The following CNBD1 variants were observed in gnomAD, a reference collection of about 807,000 sequenced individuals.
CNBD1 encodes cyclic nucleotide-binding domain-containing protein 1.
A neutral mutation model predicts 54.4 loss-of-function variants in CNBD1; 71 were observed. That is an observed-to-expected ratio of 1.30 (90% CI 1.08 to 1.59). CNBD1 has a LOEUF of 1.59. Ranked by LOEUF, CNBD1 falls within the 40% of genes most tolerant of loss-of-function variation. The pLI, the probability that CNBD1 is intolerant of heterozygous loss-of-function variation, is 0.00. For missense variants in CNBD1, 659 were observed against 518.0 expected (o/e 1.27, Z -2.64); for synonymous variants, 182 against 170.7 (o/e 1.07, Z -0.51).
intron 10 of CNBD1, among the ~76,000 whole-genome samples, chr8:87,364,067 T>C (rs959337605): frequency 2.0e-4 from 31 of 152,058 alleles, no homozygotes; most frequent in African/African-American, 7.2e-4. Flanking sequence ...TCTCAACATA[T>C]TGTTTTATTC....
chr8:87,040,639 T>C (rs1467468489), intron 4 of CNBD1, among the ~76,000 whole-genome samples: 2 of 151,860 alleles, frequency 1.3e-5, no homozygotes, highest in Admixed American at 1.3e-4. Flanking sequence ...TTAGCCAGGA[T>C]GGTCTCCATC....
intron 1 of CNBD1, among the ~76,000 whole-genome samples, chr8:86,875,134 G>T (rs986866584): frequency 6.6e-6 from 1 of 151,612 alleles, no homozygotes; most frequent in Non-Finnish European, 1.5e-5. Flanking sequence ...AAGTGATAAA[G>T]CTTTCTCCTA....
intron 4 of CNBD1, among the ~76,000 whole-genome samples, chr8:87,103,030 A>C (rs558868150): frequency 1.2e-4 from 18 of 152,326 alleles, no homozygotes; most frequent in Admixed American, 1.1e-3. Context: ...AGCGTTTACT[A>C]AGATAGAATG....
intron 2 of CNBD1, among the ~76,000 whole-genome samples, chr8:87,413,600 G>A (rs1005388341): frequency 6.6e-6 from 1 of 151,948 alleles, no homozygotes; most frequent in Admixed American, 6.6e-5. Flanking sequence ...CATCTACAGT[G>A]TACACACTTA....
intron 2 of CNBD1, among the ~76,000 whole-genome samples, chr8:87,415,979 T>C (rs749820078): frequency 2.0e-5 from 3 of 151,482 alleles, no homozygotes; most frequent in African/African-American, 7.3e-5. Flanking sequence ...ATATGGACAT[T>C]AACAAAAAAA....
intron 6 of CNBD1, among the ~76,000 whole-genome samples, chr8:87,269,568 A>G (rs1047372011): frequency 4.6e-5 from 7 of 152,030 alleles, no homozygotes; most frequent in Admixed American, 4.6e-4. Flanking sequence ...ATATTTTTCC[A>G]TTTGTTTGTG....
At chr8:86,986,375 G>T (rs1460728596) in intron 4 of CNBD1, among the ~76,000 whole-genome samples, 1 of 152,004 alleles carries the variant, frequency 6.6e-6, no homozygotes, top group Non-Finnish European at 1.5e-5. Flanking sequence ...TTTTTTGCTT[G>T]TTGAATTGTT....
chr8:86,875,156 A>G (rs1456755376), intron 1 of CNBD1, among the ~76,000 whole-genome samples: 1 of 151,952 alleles, frequency 6.6e-6, no homozygotes, highest in African/African-American at 2.4e-5. Flanking sequence ...TAGCTTTAAC[A>G]TAACACTTTT....
At chr8:87,145,871 G>A (rs1458444472) in intron 4 of CNBD1, among the ~76,000 whole-genome samples, 1 of 152,082 alleles carries the variant, frequency 6.6e-6, no homozygotes, top group East Asian at 1.9e-4. Context: ...CTTAACTGGT[G>A]TGTTCAACAG....
At chr8:87,364,394 T>G (rs1418857457) in intron 10 of CNBD1, among the ~76,000 whole-genome samples, 1 of 151,982 alleles carries the variant, frequency 6.6e-6, no homozygotes, top group Non-Finnish European at 1.5e-5. Flanking sequence ...TGCTCGAGTT[T>G]GGCTTTTAGA....
At chr8:87,086,705 T>C (rs36035531) in intron 4 of CNBD1, among the ~76,000 whole-genome samples, 27,744 of 152,080 alleles carry the variant, frequency 0.18, 2,665 homozygotes, top group Admixed American at 0.26. Flanking sequence ...ATTTAAATTA[T>C]GTGATTATTT....
chr8:86,996,919 T>C (rs34612681), intron 4 of CNBD1, among the ~76,000 whole-genome samples: 7 of 152,188 alleles, frequency 4.6e-5, no homozygotes, highest in African/African-American at 1.4e-4. Context: ...TGGTACCTTT[T>C]TGGTTGTGTC....
intron 4 of CNBD1, among the ~76,000 whole-genome samples, chr8:87,160,835 T>A (rs1372397439): frequency 6.6e-6 from 1 of 152,038 alleles, no homozygotes; most frequent in East Asian, 1.9e-4. Context: ...CTCCAGGATG[T>A]ATTATCGTGG....
chr8:87,279,477 T>C (rs1808549092), intron 6 of CNBD1, among the ~76,000 whole-genome samples: 1 of 151,462 alleles, frequency 6.6e-6, no homozygotes, highest in Non-Finnish European at 1.5e-5. Context: ...AGCAATACCC[T>C]GTATGATTAC....
intron 4 of CNBD1, among the ~76,000 whole-genome samples, chr8:87,006,935 G>A (rs936231990): frequency 2.0e-5 from 3 of 152,170 alleles, no homozygotes; most frequent in Non-Finnish European, 4.4e-5. Flanking sequence ...CGCGGCTCAC[G>A]CCTGTAATCC....
At chr8:87,329,051 T>C (rs1809755495) in intron 8 of CNBD1, among the ~76,000 whole-genome samples, 1 of 151,894 alleles carries the variant, frequency 6.6e-6, no homozygotes, top group African/African-American at 2.4e-5. Context: ...GTTTTATTTT[T>C]TTTTATTTTA....
At position 87,206,113 on chromosome 8, in the gene CNBD1, CG is replaced by C. The variant is rs1211899933; in HGVS notation, c.553del (p.Glu185LysfsTer4). 1.9e-6 allele frequency: 3 copies of C among 1,585,042 alleles called. No homozygotes were observed. In the African/African-American group the frequency reaches 4.1e-5, roughly 22 times the overall value. ...AAACACTTAGTAAGACTGTCTTTTC[CG>C]AAACCTGGTTGAAAGGCAGCACAGG... ...LKTLSKTVFSETWLKGSTVVA... is the reference protein window; with the variant it reads ...LKTLSKTVFSXTWLKGSTVVA... On this transcript the variant is annotated frameshift_variant, in exon 5 of 11. Coordinates refer to ENST00000518476, the MANE Select transcript of CNBD1 (RefSeq NM_173538.3). LOFTEE classifies it high-confidence loss of function.
chr8:87,225,314 C>A (rs1249249018), intron 5 of CNBD1, among the ~76,000 whole-genome samples: 11 of 150,590 alleles, frequency 7.3e-5, no homozygotes. Flanking sequence ...GCATCCCTGT[C>A]TTGTGCCAGT....
intron 3 of CNBD1, among the ~76,000 whole-genome samples, chr8:86,913,387 T>C (rs1490344466): frequency 6.6e-6 from 1 of 152,128 alleles, no homozygotes; most frequent in Non-Finnish European, 1.5e-5. Context: ...ATACTTACCA[T>C]TGTTATCGGG....
Sources: allele counts gnomAD v4.1 joint callset (sites outside exome capture counted in the v4.1 genomes callset), GRCh38; gene constraint gnomAD v4.1.1; transcripts MANE v1.5; gene names NCBI Gene and HGNC (gene_info 2026-07-23, HGNC 2026-07-21).